WLS: variants seen among roughly 807,000 people sequenced by gnomAD.
The protein encoded by WLS is Wnt ligand secretion mediator, also known as protein wntless homolog.
A neutral mutation model predicts 62.8 loss-of-function variants in WLS; 23 were observed. The observed-to-expected ratio is 0.37, with a 90% CI of 0.26 to 0.52. The LOEUF is 0.52. WLS is among the 20% of genes least tolerant of loss of function. The pLI is 0.92. For missense variants in WLS, 615 were observed against 697.3 expected, an observed-to-expected ratio of 0.88 and a Z score of 1.33; for synonymous variants, 246 against 244.1, an observed-to-expected ratio of 1.01 and a Z score of -0.07.
Position 68,116,427 on chromosome 1 carries a change from G to A in WLS, c.1511-17674C>T, listed in dbSNP as rs114280804. ...TCTATACAAAATTTTGGGCAGGAAG[G>A]GCAATGCATCTATCAGAACTCATTG... On this transcript the variant is annotated intron_variant, in intron 11 of 11. Transcript: ENST00000354777. Among the ~76,000 whole-genome samples, 694 of 152,274 alleles carry A rather than the reference G, an allele frequency of 4.6e-3. 3 individuals are homozygous for A. The highest frequency in any genetic ancestry group is 0.016 in the African/African-American group (673 of 41,560).
Position 68,194,017 on chromosome 1 carries a change from C to G in WLS, c.317G>C (p.Trp106Ser), listed in dbSNP as rs775768174. The change falls in exon 2 of 12, where the codon TGG (tryptophan) becomes TCG (serine). Residue 106 changes from tryptophan (W) to serine (S), a missense_variant. Physicochemically the swap from Trp to Ser is radical, Grantham distance 177. Transcript: ENST00000262348. The stretch of plus-strand genomic sequence containing the variant: ...CAGGATAAACAGCATGAATTGGAAC[C>G]AAGGACTCATCTCCATGTGGGGGAG... ...IPLPHMEMSP[W>S]FQFMLFILQL... 3.1e-6 allele frequency: 5 copies of G among 1,614,010 alleles called. No homozygotes were observed. The African/African-American group carries it at 4.0e-5, about 13-fold the overall frequency.
intron 2 of WLS, among the ~76,000 whole-genome samples, chr1:68,175,552 T>C (rs1332145849): frequency 6.6e-6 from 1 of 152,216 alleles, no homozygotes; most frequent in African/African-American, 2.4e-5. Context: ...CTTACTAAGA[T>C]CCTTTCTAGT....
chr1:68,207,932 C>G (rs1002772652), intron 1 of WLS, among the ~76,000 whole-genome samples: 1 of 152,214 alleles, frequency 6.6e-6, no homozygotes, highest in Non-Finnish European at 1.5e-5. Flanking sequence ...AGATGAAGAC[C>G]TACTCCATGT....
chr1:68,195,357 T>A (rs2243989), intron 1 of WLS, among the ~76,000 whole-genome samples: 19,338 of 152,206 alleles, frequency 0.13, 1,689 homozygotes, highest in African/African-American at 0.25. Flanking sequence ...TATCATCTCT[T>A]AGATGGCAAT....
chr1:68,137,186 TC>T (rs2100422222), intron 11 of WLS, among the ~76,000 whole-genome samples: 1 of 152,308 alleles, frequency 6.6e-6, no homozygotes, highest in South Asian at 2.1e-4. Context: ...ATGACTGGAT[TC>T]TCTAAGGCTA....
chr1:68,147,542 GA>G (rs770624070), intron 8 of WLS, among the ~76,000 whole-genome samples: 47 of 152,186 alleles, frequency 3.1e-4, no homozygotes, highest in Non-Finnish European at 6.0e-4. Context: ...TATTCCGGAA[GA>G]TAAAATATTT....
chr1:68,146,383 C>T (rs778498968), intron 8 of WLS, among the ~76,000 whole-genome samples: 10 of 152,082 alleles, frequency 6.6e-5, no homozygotes, highest in Admixed American at 2.0e-4. Context: ...ACCATATATT[C>T]GTCACTATGG....
At chr1:68,098,827 C>A in intron 11 of WLS, 4 of 1,524,014 alleles carry the variant, frequency 2.6e-6, no homozygotes, top group Middle Eastern at 1.7e-4. Context: ...AGTTTAGGAC[C>A]AAGGCTCAGG....
chr1:68,138,414 C>CA (rs1646642137), intron 10 of WLS: 1 of 153,048 alleles, frequency 6.5e-6, no homozygotes, highest in South Asian at 2.1e-4. Context: ...TAATGTAAGA[C>CA]AAGATGAAGA....
intron 2 of WLS, among the ~76,000 whole-genome samples, chr1:68,167,364 G>A (rs938584904): frequency 6.6e-6 from 1 of 152,170 alleles, no homozygotes; most frequent in Non-Finnish European, 1.5e-5. Flanking sequence ...TACCTGAATT[G>A]TTTTCTCTTC....
chr1:68,156,755 T>C (rs137950959), intron 3 of WLS, among the ~76,000 whole-genome samples: 119 of 152,292 alleles, frequency 7.8e-4, no homozygotes, highest in African/African-American at 2.8e-3. Context: ...TCTTCCTATA[T>C]AGATCATCTT....
exon 12 of WLS, chr1:68,098,580 G>T: frequency 6.2e-7 from 1 of 1,605,650 alleles, no homozygotes; most frequent in South Asian, 1.1e-5. Context: ...CAATCAATGT[G>T]ACTGTGACAA....
intron 1 of WLS, among the ~76,000 whole-genome samples, chr1:68,208,576 A>G (rs1430418789): frequency 2.0e-5 from 3 of 152,310 alleles, no homozygotes; most frequent in East Asian, 3.9e-4. Context: ...TACAGATTAT[A>G]TATCCCCTTT....
intron 11 of WLS, among the ~76,000 whole-genome samples, chr1:68,102,052 G>A (rs1343175776): frequency 2.0e-5 from 3 of 152,212 alleles, no homozygotes; most frequent in Non-Finnish European, 2.9e-5. Flanking sequence ...ACACACAGGT[G>A]AAGGTGGTTA....
intron 1 of WLS, among the ~76,000 whole-genome samples, chr1:68,213,948 A>G (rs990353517): frequency 3.3e-5 from 5 of 152,034 alleles, no homozygotes; most frequent in African/African-American, 1.2e-4. Context: ...GAATTTCCCA[A>G]CCATCCCCAG....
chr1:68,219,004 G>A (rs1276483045), intron 1 of WLS, among the ~76,000 whole-genome samples: 1 of 152,030 alleles, frequency 6.6e-6, no homozygotes, highest in Non-Finnish European at 1.5e-5. Flanking sequence ...AAACTATGTG[G>A]CTCTTCTAAA....
At chr1:68,198,132 A>G (rs980225672) in intron 1 of WLS, among the ~76,000 whole-genome samples, 1 of 152,194 alleles carries the variant, frequency 6.6e-6, no homozygotes, top group Non-Finnish European at 1.5e-5. Context: ...CACCCATAGT[A>G]TAAGGTTTAA....
rs149292683 is a variant in WLS at position 68,117,899 on chromosome 1, G to A, written c.1511-19146C>T. On this transcript the variant is annotated intron_variant, in intron 11 of 11. Coordinates refer to the WLS transcript ENST00000354777. ...TCCCAATTATGATCCAAAAAATCAT[G>A]CTAGGATAACTGTCTGGAAAAAATA... is the stretch of plus-strand genomic sequence containing the variant. Among the ~76,000 whole-genome samples the A allele has an allele frequency of 3.4e-3, 514 of 152,160 alleles. 5 individuals carry two copies. Among genetic ancestry groups the A allele is most frequent in the African/African-American group, 0.012 (495 of 41,484 alleles).
chr1:68,164,393 G>T (rs971362465), intron 2 of WLS, among the ~76,000 whole-genome samples: 4 of 151,898 alleles, frequency 2.6e-5, no homozygotes, highest in Admixed American at 2.0e-4. Flanking sequence ...TGAGTAGCTG[G>T]GATTACAGGC....
Sources: allele counts gnomAD v4.1 joint callset (sites outside exome capture counted in the v4.1 genomes callset), GRCh38; gene constraint gnomAD v4.1.1; transcripts MANE v1.5; gene names NCBI Gene and HGNC (gene_info 2026-07-23, HGNC 2026-07-21).